CTNNA2: variants seen among roughly 807,000 people sequenced by gnomAD.
The protein encoded by CTNNA2 is catenin alpha-2.
A neutral mutation model predicts 101.0 loss-of-function variants in CTNNA2; 42 were observed. The observed-to-expected ratio is 0.42, with a 90% CI of 0.32 to 0.54. The LOEUF is 0.54. CTNNA2 is among the 20% of genes least tolerant of loss of function. CTNNA2 has a pLI of 0.14. For missense variants in CTNNA2, 871 were observed against 1,223.1 expected, an observed-to-expected ratio of 0.71 and a Z score of 4.29; for synonymous variants, 450 against 456.4, an observed-to-expected ratio of 0.99 and a Z score of 0.18.
chr2:80,136,872 G>A (rs1001789391), intron 7 of CTNNA2, among the ~76,000 whole-genome samples: 7 of 152,278 alleles, frequency 4.6e-5, no homozygotes, highest in African/African-American at 1.7e-4. Context: ...CAGAAGGTCA[G>A]TCAAATGGAT....
intron 3 of CTNNA2, among the ~76,000 whole-genome samples, chr2:79,795,344 A>C (rs1675614502): frequency 6.6e-6 from 1 of 152,160 alleles, no homozygotes; most frequent in Non-Finnish European, 1.5e-5. Flanking sequence ...TTAAAAATAT[A>C]ATAGTAAAGT....
chr2:79,957,936 A>G (rs1018790123), intron 7 of CTNNA2, among the ~76,000 whole-genome samples: 30 of 152,218 alleles, frequency 2.0e-4, no homozygotes, highest in Admixed American at 2.6e-4. Context: ...GTAATCATTG[A>G]CAGCTCTTCA....
chr2:79,734,718 C>T (rs753034634), intron 2 of CTNNA2, among the ~76,000 whole-genome samples: 2 of 151,976 alleles, frequency 1.3e-5, no homozygotes, highest in African/African-American at 2.4e-5. Context: ...CATATGCCTT[C>T]CTGAAGGGAG....
intron 4 of CTNNA2, among the ~76,000 whole-genome samples, chr2:79,475,640 C>G (rs1671042499): frequency 1.3e-5 from 2 of 151,706 alleles, no homozygotes; most frequent in African/African-American, 4.8e-5. Flanking sequence ...CTTTCAAATA[C>G]TCTGATTTTC....
chr2:80,282,136 C>A (rs1234529916), intron 7 of CTNNA2, among the ~76,000 whole-genome samples: 1 of 152,018 alleles, frequency 6.6e-6, no homozygotes, highest in South Asian at 2.1e-4. Flanking sequence ...CAGGGAAATG[C>A]CAATGGGTTC....
chr2:79,720,604 C>T lies in CTNNA2; in HGVS notation c.103-23783C>T, dbSNP rs186417815. 3.0e-3 allele frequency among the ~76,000 whole-genome samples: 460 copies of T among 152,008 alleles called. 1 individual carries two copies. The highest frequency in any genetic ancestry group is 4.6e-3 in the Non-Finnish European group (315 of 67,934). ...AGTTCTTTTTGTAGGGAACCTTCAC[C>T]TTCTTGGTTAGTTGTATTTTCAGGT... On this transcript the variant is annotated intron_variant, in intron 2 of 18. Transcript: ENST00000402739.
intron 7 of CTNNA2, among the ~76,000 whole-genome samples, chr2:80,059,825 G>C (rs1464438216): frequency 6.6e-6 from 1 of 152,166 alleles, no homozygotes; most frequent in Non-Finnish European, 1.5e-5. Context: ...CTGGCCTTAA[G>C]GCCAAGATCT....
At chr2:79,996,005 C>A (rs1312225774) in intron 7 of CTNNA2, among the ~76,000 whole-genome samples, 1 of 152,138 alleles carries the variant, frequency 6.6e-6, no homozygotes, top group Non-Finnish European at 1.5e-5. Flanking sequence ...TTCTCTTTTG[C>A]AGGCTTATTC....
intron 3 of CTNNA2, among the ~76,000 whole-genome samples, chr2:79,320,478 G>C (rs1052733498): frequency 6.6e-6 from 1 of 151,950 alleles, no homozygotes; most frequent in Non-Finnish European, 1.5e-5. Flanking sequence ...CTTCTTCCTA[G>C]TACTTAATGA....
At chr2:80,329,591 C>T (rs1286036587) in intron 7 of CTNNA2, among the ~76,000 whole-genome samples, 2 of 152,092 alleles carry the variant, frequency 1.3e-5, no homozygotes, top group Non-Finnish European at 2.9e-5. Flanking sequence ...TGTTAGGATG[C>T]GGTGGGAAGT....
At chr2:79,534,377 G>T (rs1672926818) in intron 1 of CTNNA2, among the ~76,000 whole-genome samples, 1 of 151,942 alleles carries the variant, frequency 6.6e-6, no homozygotes, top group South Asian at 2.1e-4. Flanking sequence ...CGAGTTGAAG[G>T]CTCTAGTGAT....
chr2:80,374,016 T>G (rs912599642), intron 7 of CTNNA2, among the ~76,000 whole-genome samples: 1 of 152,036 alleles, frequency 6.6e-6, no homozygotes, highest in African/African-American at 2.4e-5. Context: ...ATATCTTAGT[T>G]TGCTAGGGCT....
intron 4 of CTNNA2, among the ~76,000 whole-genome samples, chr2:79,476,315 C>T (rs1671049353): frequency 6.6e-6 from 1 of 152,166 alleles, no homozygotes; most frequent in African/African-American, 2.4e-5. Flanking sequence ...ACAGTATCTC[C>T]TCAGGTTCAG....
At chr2:79,272,765 T>C (rs1468939793) in intron 2 of CTNNA2, among the ~76,000 whole-genome samples, 1 of 152,126 alleles carries the variant, frequency 6.6e-6, no homozygotes, top group Non-Finnish European at 1.5e-5. Flanking sequence ...TTTCTATTCA[T>C]CCAATGGCTG....
intron 9 of CTNNA2, among the ~76,000 whole-genome samples, chr2:80,433,509 C>A (rs1304011530): frequency 6.6e-6 from 1 of 151,954 alleles, no homozygotes; most frequent in Non-Finnish European, 1.5e-5. Flanking sequence ...TTCAGGCTGT[C>A]GCCGCAGGGT....
chr2:80,585,574 T>C (rs569640067), intron 14 of CTNNA2, among the ~76,000 whole-genome samples: 1 of 152,248 alleles, frequency 6.6e-6, no homozygotes, highest in East Asian at 1.9e-4. Flanking sequence ...GTTCCCTTAG[T>C]TTGAGGGAAT....
intron 6 of CTNNA2, among the ~76,000 whole-genome samples, chr2:79,902,491 C>T (rs1212640399): frequency 6.6e-6 from 1 of 152,136 alleles, no homozygotes; most frequent in Non-Finnish European, 1.5e-5. Context: ...GGTGCCCATA[C>T]CACTACCCGA....
At chr2:80,036,089 C>A (rs1419542723) in intron 7 of CTNNA2, among the ~76,000 whole-genome samples, 2 of 152,110 alleles carry the variant, frequency 1.3e-5, no homozygotes, top group African/African-American at 4.8e-5. Flanking sequence ...CCCCTCCTAC[C>A]CCCACCAGCG....
At chr2:79,530,705 C>T (rs1672685204) in intron 1 of CTNNA2, among the ~76,000 whole-genome samples, 1 of 152,088 alleles carries the variant, frequency 6.6e-6, no homozygotes, top group African/African-American at 2.4e-5. Flanking sequence ...GTGGTCACCT[C>T]AGAAACCTGA....
Sources: gnomAD v4.1 joint callset for allele counts (sites outside exome capture counted in the v4.1 genomes callset) on GRCh38, gnomAD v4.1.1 for gene constraint, MANE v1.5 for transcripts, NCBI Gene and HGNC (gene_info 2026-07-23, HGNC 2026-07-21) for gene names.